The following DUSP14 variants were observed in gnomAD, a reference collection of about 807,000 sequenced individuals.
The protein encoded by DUSP14 is dual specificity phosphatase 14.
DUSP14 carries 5 observed loss-of-function variants against 13.2 expected under a neutral mutation model. That is an observed-to-expected ratio of 0.38 (90% CI 0.20 to 0.80). The LOEUF is 0.80. Ranked by LOEUF, DUSP14 falls within the 30% of genes least tolerant of loss-of-function variation. The pLI, the probability that DUSP14 is intolerant of heterozygous loss-of-function variation, is 0.44. For missense variants in DUSP14, 185 were observed against 264.0 expected (o/e 0.70, Z 2.07); for synonymous variants, 91 against 103.4 (o/e 0.88, Z 0.73).
intron 1 of DUSP14, 37 bp downstream of exon 1, chr17:37,489,995 G>C (rs1434996061): frequency 1.4e-5 from 2 of 138,862 alleles, no homozygotes; most frequent in Non-Finnish European, 3.2e-5. Context: ...GGGGTTGTGG[G>C]GAAGGTGTTG....
intron 1 of DUSP14, chr17:37,491,358 CA>C (rs2054026993): frequency 6.6e-6 from 1 of 152,414 alleles, no homozygotes; most frequent in African/African-American, 2.4e-5. Context: ...CAGGCCGGGG[CA>C]GAGACCCTGA....
rs2054015318 is a variant in DUSP14, at chr17:37,489,959, G to C, written c.-181+1G>C. On this transcript the variant is annotated splice_donor_variant, in intron 1 of 2. Coordinates refer to ENST00000617516, the MANE Select transcript of DUSP14 (RefSeq NM_007026.4). LOFTEE classifies it low-confidence loss of function (5UTR_SPLICE). ...ACCCGCTCCGCGCCGCGCCGCGCCG[G>C]TAGGGGACCCGCAGGCCCGGGGGTG... is the stretch of plus-strand genomic sequence containing the variant. 7.0e-6 allele frequency: 1 copy of C among 141,860 alleles called. No homozygotes were observed. The highest frequency in any genetic ancestry group is 2.6e-5 in the African/African-American group (1 of 38,784). 8.8% of individuals were successfully genotyped at this position (141,860 alleles called of 1,614,324 possible).
At position 37,513,100 on chromosome 17, in the gene DUSP14, A is replaced by T; in HGVS notation, c.*231A>T. On this transcript the variant is annotated 3_prime_UTR_variant, in exon 3 of 3. Transcript: ENST00000617516. ...ACATTTTGGAATAGTGTTTATGGAAATCTTTAGCTTTTAATCATTTTTACC... is the reference window on the plus strand; with the variant it reads ...ACATTTTGGAATAGTGTTTATGGAATTCTTTAGCTTTTAATCATTTTTACC... The T allele has an allele frequency of 1.9e-6, 1 of 540,250 alleles. No individual in the cohort carries two copies. The highest frequency in any genetic ancestry group is 3.3e-5 in the South Asian group (1 of 29,938). The allele number at this position is 540,250 out of a possible 1,614,324, so 33.5% of individuals were successfully genotyped here.
intron 1 of DUSP14, among the ~76,000 whole-genome samples, chr17:37,509,139 A>ATATATATATGTG (rs1568204473): frequency 1.6e-5 from 1 of 63,100 alleles, no homozygotes; most frequent in Non-Finnish European, 2.8e-5. Flanking sequence ...ACACACACAC[A>ATATATATATGTG]CACACACACA....
rs1568204456 is a variant in DUSP14, at chr17:37,509,135, A to ATATATG, written c.-180-1542_-180-1541insTATATG. Among the ~76,000 whole-genome samples the ATATATG allele has an allele frequency of 2.3e-4, 9 of 38,956 alleles. 3 individuals are homozygous for ATATATG. The South Asian group carries it at 5.0e-3, about 21-fold the overall frequency. 25.6% of individuals were successfully genotyped at this position (38,956 alleles called of 152,430 possible). A position where few individuals can be genotyped will look rare whatever the true frequency, so the allele number is the denominator to read the frequency against. ...TATATATATATATATATATACACAC[A>ATATATG]CACACACACACACACACACACACAC... On this transcript the variant is annotated intron_variant, in intron 1 of 2. Transcript: ENST00000617516.
intron 1 of DUSP14, among the ~76,000 whole-genome samples, chr17:37,491,977 A>G (rs1393823144): frequency 5.3e-5 from 8 of 152,238 alleles, no homozygotes; most frequent in African/African-American, 1.7e-4. Context: ...AAGCATTTTT[A>G]TAAATGTCCG....
At chr17:37,503,746 A>T (rs1403944277) in intron 1 of DUSP14, among the ~76,000 whole-genome samples, 1 of 152,134 alleles carries the variant, frequency 6.6e-6, no homozygotes, top group South Asian at 2.1e-4. Context: ...TCTGTTTCCA[A>T]CATGGAGAAT....
intron 1 of DUSP14, among the ~76,000 whole-genome samples, chr17:37,498,452 C>G (rs933388410): frequency 1.3e-5 from 2 of 150,934 alleles, no homozygotes; most frequent in African/African-American, 2.4e-5. Flanking sequence ...TCAGCCTCCC[C>G]AGTAGCTGGG....
At chr17:37,511,127 G>A (rs774354334) in intron 2 of DUSP14, among the ~76,000 whole-genome samples, 3 of 152,110 alleles carry the variant, frequency 2.0e-5, no homozygotes, top group East Asian at 1.9e-4. Context: ...TTAAGGTGAA[G>A]TTATTTAGCC....
intron 1 of DUSP14, among the ~76,000 whole-genome samples, chr17:37,502,342 CAGCAATTTTTTTTT>C (rs1463588926): frequency 6.7e-6 from 1 of 150,012 alleles, no homozygotes; most frequent in African/African-American, 2.4e-5. Context: ...TCACCATGCC[CAGCAATTTTTTTTT>C]TTTTTTTTGT....
intron 1 of DUSP14, among the ~76,000 whole-genome samples, chr17:37,509,128 TACACACACACACACACAC>T (rs869304104): frequency 2.2e-4 from 7 of 31,188 alleles, no homozygotes; most frequent in South Asian, 2.4e-3. Context: ...TATATATATA[TACACACACACACACACAC>T]ACACACACAC....
At chr17:37,500,346 A>G (rs2054097196) in intron 1 of DUSP14, among the ~76,000 whole-genome samples, 1 of 152,240 alleles carries the variant, frequency 6.6e-6, no homozygotes, top group South Asian at 2.1e-4. Flanking sequence ...GACATCAAAG[A>G]TGATCAAAGG....
chr17:37,495,951 C>G (rs1048903983), intron 1 of DUSP14, among the ~76,000 whole-genome samples: 1 of 152,140 alleles, frequency 6.6e-6, no homozygotes, highest in Non-Finnish European at 1.5e-5. Flanking sequence ...AGCCACCGCG[C>G]CCAGCCTGCT....
chr17:37,509,994 A>G (rs539468196), intron 1 of DUSP14: 1 of 152,354 alleles, frequency 6.6e-6, no homozygotes, highest in South Asian at 2.1e-4. Flanking sequence ...TGTTCATGGT[A>G]CTTACATAAC....
In DUSP14 at chr17:37,506,220, G is replaced by A. The variant is rs55680593; in HGVS notation, c.-180-4457G>A. 6.4e-3 allele frequency among the ~76,000 whole-genome samples: 966 copies of A among 152,072 alleles called. 16 individuals are homozygous for A. The highest frequency in any genetic ancestry group is 0.022 in the African/African-American group (931 of 41,430). ...GCGGAGGTTGCAGTGAGCCGAGATAGCGCCATTGCACTCTAGTCTGGGTGA... is the reference window on the plus strand; with the variant it reads ...GCGGAGGTTGCAGTGAGCCGAGATAACGCCATTGCACTCTAGTCTGGGTGA... On this transcript the variant is annotated intron_variant, in intron 1 of 2. Coordinates refer to ENST00000617516, the MANE Select transcript of DUSP14 (RefSeq NM_007026.4).
In DUSP14 at chr17:37,513,296, AT is replaced by A; in HGVS notation, c.*428del. ...CCAGACAGATGCTTAGGGAAGGTTG[AT>A]AACCAGCTTCAGTCTCTACTGGATT... On this transcript the variant is annotated 3_prime_UTR_variant, in exon 3 of 3. Coordinates refer to ENST00000617516, the MANE Select transcript of DUSP14 (RefSeq NM_007026.4). 1 of 113,860 alleles carries A rather than the reference AT, an allele frequency of 8.8e-6. No individual in the cohort carries two copies. Among genetic ancestry groups the A allele is most frequent in the East Asian group, 8.6e-4 (1 of 1,166 alleles). The allele number at this position is 113,860 out of a possible 1,614,324, so 7.1% of individuals were successfully genotyped here.
chr17:37,489,562 CAGCCCGCCTCG>C (rs2054010423), upstream of DUSP14, among the ~76,000 whole-genome samples: 1 of 152,184 alleles, frequency 6.6e-6, no homozygotes, highest in South Asian at 2.1e-4. Context: ...AGCGCCCCCG[CAGCCCGCCTCG>C]AGCCCGGCTC....
chr17:37,509,253 A>AG (rs1286991965), intron 1 of DUSP14, among the ~76,000 whole-genome samples: 1 of 20,880 alleles, frequency 4.8e-5, no homozygotes, highest in African/African-American at 1.4e-4. Context: ...CTATATATAT[A>AG]TATATATATA....
chr17:37,497,699 G>A (rs1288237640), intron 1 of DUSP14, among the ~76,000 whole-genome samples: 3 of 151,078 alleles, frequency 2.0e-5, no homozygotes, highest in Non-Finnish European at 4.4e-5. Flanking sequence ...GGTCGAGGCT[G>A]CAGTAAGCCA....
Sources: allele counts gnomAD v4.1 joint callset (sites outside exome capture counted in the v4.1 genomes callset), GRCh38; gene constraint gnomAD v4.1.1; transcripts MANE v1.5; gene names NCBI Gene and HGNC (gene_info 2026-07-23, HGNC 2026-07-21).